Variants in SLC16A10 observed in about 807,000 individuals in gnomAD.
The protein encoded by SLC16A10 is solute carrier family 16 member 10, also known as monocarboxylate transporter 10.
SLC16A10 carries 27 observed loss-of-function variants against 40.0 expected under a neutral mutation model. The ratio of observed to expected loss-of-function variants is 0.67; its 90% CI spans 0.50 to 0.93. SLC16A10 has a LOEUF of 0.93. SLC16A10 is among the 40% of genes least tolerant of loss of function. The pLI, the probability that SLC16A10 is intolerant of heterozygous loss-of-function variation, is 0.00. For synonymous variants in SLC16A10, 213 were observed against 249.8 expected, an observed-to-expected ratio of 0.85 and a Z score of 1.39; for missense variants, 529 against 658.2, an observed-to-expected ratio of 0.80 and a Z score of 2.15.
At chr6:111,127,918 T>C (rs1340763553) in intron 1 of SLC16A10, among the ~76,000 whole-genome samples, 1 of 152,186 alleles carries the variant, frequency 6.6e-6, no homozygotes, top group Admixed American at 6.5e-5. Flanking sequence ...GGGACATTGT[T>C]GAAACTGTGG....
intron 1 of SLC16A10, among the ~76,000 whole-genome samples, chr6:111,118,789 C>CCACCTAAT (rs74279909): frequency 0.11 from 16,001 of 151,982 alleles, 933 homozygotes; most frequent in Non-Finnish European, 0.14. Flanking sequence ...ATAGGTATCG[C>CCACCTAAT]CACCTAATTT....
At chr6:111,126,070 G>A (rs1213601647) in intron 1 of SLC16A10, among the ~76,000 whole-genome samples, 3 of 150,878 alleles carry the variant, frequency 2.0e-5, no homozygotes, top group Non-Finnish European at 3.0e-5. Flanking sequence ...TTATATCTGT[G>A]TAATACTCAT....
intron 1 of SLC16A10, among the ~76,000 whole-genome samples, chr6:111,167,980 T>G (rs1772509162): frequency 6.7e-6 from 1 of 148,722 alleles, no homozygotes; most frequent in Admixed American, 6.6e-5. Flanking sequence ...TGGTCTAGTT[T>G]GCACTTTTTT....
chr6:111,216,224 G>T (rs1196593046), intron 4 of SLC16A10, among the ~76,000 whole-genome samples: 1 of 152,132 alleles, frequency 6.6e-6, no homozygotes, highest in African/African-American at 2.4e-5. Context: ...AACCTGCCAG[G>T]CTGTAGGCCC....
In SLC16A10 at chr6:111,222,766, A is replaced by G; in HGVS notation, c.*531A>G. 6.4e-6 allele frequency: 1 copy of G among 155,206 alleles called. No homozygotes were observed. The highest frequency in any genetic ancestry group is 1.4e-5 in the Non-Finnish European group (1 of 70,426). 9.6% of individuals were successfully genotyped at this position (155,206 alleles called of 1,614,324 possible). ...CTTTCCTGCTGTTAAATAAGCTATGATATTAAGATATTCTGACTTGCTCCA... is the reference window on the plus strand; with the variant it reads ...CTTTCCTGCTGTTAAATAAGCTATGGTATTAAGATATTCTGACTTGCTCCA... On this transcript the variant is annotated 3_prime_UTR_variant, in exon 6 of 6. Transcript: ENST00000368851.
In SLC16A10 at chr6:111,143,258, G is replaced by A. The variant is rs115101438; in HGVS notation, c.344-29437G>A. On this transcript the variant is annotated intron_variant, in intron 1 of 5. Coordinates refer to ENST00000368851, the MANE Select transcript of SLC16A10 (RefSeq NM_018593.5). ...CCACACCTGGCTAATTTTTTTTTTT[G>A]AGAGATTGGGTCTTGCTGTGTTGCC... Among the ~76,000 whole-genome samples the A allele has an allele frequency of 9.7e-3, 1,466 of 150,854 alleles. 23 individuals are homozygous for A. Among genetic ancestry groups the A allele is most frequent in the African/African-American group, 0.033 (1,367 of 41,138 alleles).
intron 1 of SLC16A10, among the ~76,000 whole-genome samples, chr6:111,100,990 C>CTATATATATATA (rs1191509816): frequency 2.0e-4 from 14 of 70,974 alleles, no homozygotes; most frequent in African/African-American, 8.8e-4. Context: ...CTCTCTCTCT[C>CTATATATATATA]TCTATATATA....
chr6:111,092,326 T>TTG (rs1554254847), intron 1 of SLC16A10, among the ~76,000 whole-genome samples: 10 of 144,186 alleles, frequency 6.9e-5, no homozygotes, highest in Admixed American at 3.4e-4. Flanking sequence ...TTTTTTTTTT[T>TTG]TTTTTTTTTT....
chr6:111,221,157 A>G (rs1003043416), intron 5 of SLC16A10, among the ~76,000 whole-genome samples: 3 of 152,216 alleles, frequency 2.0e-5, no homozygotes, highest in Non-Finnish European at 4.4e-5. Context: ...ATAAGTTATA[A>G]GAGTTTAAAA....
intron 1 of SLC16A10, among the ~76,000 whole-genome samples, chr6:111,142,841 T>C (rs1044132715): frequency 3.9e-5 from 6 of 152,228 alleles, no homozygotes; most frequent in Non-Finnish European, 5.9e-5. Context: ...ACACTCATCA[T>C]ATGATCCAAC....
At chr6:111,110,832 G>A (rs1156682721) in intron 1 of SLC16A10, among the ~76,000 whole-genome samples, 1 of 152,046 alleles carries the variant, frequency 6.6e-6, no homozygotes, top group Non-Finnish European at 1.5e-5. Context: ...GAAATTTCAT[G>A]TTTTCTATCT....
chr6:111,088,088 T>C lies in SLC16A10; in HGVS notation c.336T>C (p.Phe112=), dbSNP rs1469373876. Residue 112 remains phenylalanine, a synonymous_variant, in exon 1 of 6, where the codon TTT becomes TTC. Transcript: ENST00000368851. ...FGSKDDDKMV[F]KTAWVGSLSM... ...CCAAAGACGATGACAAGATGGTCTT[T>C]AAGACAGGTGAGGCGCGGCGCCCGC... The C allele has an allele frequency of 1.2e-6, 2 of 1,600,492 alleles. No homozygotes were observed. The highest frequency in any genetic ancestry group is 2.3e-5 in the East Asian group (1 of 43,436).
chr6:111,202,379 G>C (rs1417144108), intron 3 of SLC16A10, among the ~76,000 whole-genome samples: 1 of 152,154 alleles, frequency 6.6e-6, no homozygotes, highest in Non-Finnish European at 1.5e-5. Context: ...TCGGGAGGCT[G>C]AGGTAGGAGG....
At chr6:111,125,440 G>C (rs1350240195) in intron 1 of SLC16A10, among the ~76,000 whole-genome samples, 1 of 152,072 alleles carries the variant, frequency 6.6e-6, no homozygotes, top group Non-Finnish European at 1.5e-5. Context: ...TTTATGGTAA[G>C]ATATAACACC....
chr6:111,110,023 ACT>A (rs769595132), intron 1 of SLC16A10, among the ~76,000 whole-genome samples: 14 of 151,962 alleles, frequency 9.2e-5, no homozygotes, highest in Admixed American at 2.6e-4. Context: ...GAGTGAGAGG[ACT>A]CTGGAGAGTT....
chr6:111,216,836 A>G (rs546820363), intron 4 of SLC16A10, among the ~76,000 whole-genome samples: 3 of 152,152 alleles, frequency 2.0e-5, no homozygotes, highest in Non-Finnish European at 4.4e-5. Context: ...CCAATATGAA[A>G]CAGTTTTCAG....
At chr6:111,092,326 T>G (rs978493029) in intron 1 of SLC16A10, among the ~76,000 whole-genome samples, 2 of 144,186 alleles carry the variant, frequency 1.4e-5, no homozygotes, top group Admixed American at 6.9e-5. Flanking sequence ...TTTTTTTTTT[T>G]TTTTTTTTTT....
At chr6:111,126,042 A>G (rs1270383854) in intron 1 of SLC16A10, among the ~76,000 whole-genome samples, 2 of 151,396 alleles carry the variant, frequency 1.3e-5, no homozygotes, top group African/African-American at 2.4e-5. Flanking sequence ...AGGCACATGC[A>G]TATTTTATGG....
chr6:111,151,450 C>T (rs1772171617), intron 1 of SLC16A10, among the ~76,000 whole-genome samples: 1 of 152,180 alleles, frequency 6.6e-6, no homozygotes, highest in African/African-American at 2.4e-5. Flanking sequence ...GATTTCATCA[C>T]TCACATCTCT....
Sources: allele counts gnomAD v4.1 joint callset (sites outside exome capture counted in the v4.1 genomes callset), GRCh38; gene constraint gnomAD v4.1.1; transcripts MANE v1.5; gene names NCBI Gene and HGNC (gene_info 2026-07-23, HGNC 2026-07-21).